The following TSHZ3 variants were observed in gnomAD, a reference collection of about 807,000 sequenced individuals.
The protein encoded by TSHZ3 is teashirt zinc finger homeobox 3.
Under a neutral mutation model 64.5 loss-of-function variants are expected in TSHZ3, and 10 were observed. That is an observed-to-expected ratio of 0.16 (90% CI 0.10 to 0.26). The LOEUF (loss-of-function observed/expected upper bound fraction) is 0.26, where lower values mean the gene tolerates loss of function less well. TSHZ3 is among the 10% of genes least tolerant of loss of function. The probability of loss-of-function intolerance (pLI) is 1.00; values close to 1 mark genes in which losing one functional copy is unlikely to be tolerated. For synonymous variants in TSHZ3, 608 were observed against 593.1 expected (o/e 1.03, Z -0.36); for missense variants, 1,242 against 1,421.7 (o/e 0.87, Z 2.03).
chr19:31,205,317 G>A (rs1450398857), intron 4 of TSHZ3, among the ~76,000 whole-genome samples: 2 of 152,050 alleles, frequency 1.3e-5, no homozygotes, highest in African/African-American at 4.8e-5. Context: ...AACATTTTAG[G>A]GACTCTCAGC....
In TSHZ3 at chr19:31,259,615, C is replaced by T. The variant is rs528865184; in HGVS notation, n.64-16740G>A. 2.0e-5 allele frequency among the ~76,000 whole-genome samples: 3 copies of T among 151,886 alleles called. No individual in the cohort carries two copies. In the South Asian group the frequency reaches 6.3e-4, roughly 32 times the overall value. ...CTATGGGGCTGGGAGCTCACCTGTC[C>T]CTGGGTATCTGAGCTCACTCAATTT... On this transcript the variant is annotated intron_variant and non_coding_transcript_variant, in intron 1 of 6. Transcript: ENST00000651361.
chr19:31,159,061 G>A (rs979052036), intron 5 of TSHZ3, among the ~76,000 whole-genome samples: 5 of 152,106 alleles, frequency 3.3e-5, no homozygotes, highest in Non-Finnish European at 5.9e-5. Flanking sequence ...GTGCAGTGGC[G>A]TGATCTCAGC....
At chr19:31,179,493 G>A (rs1974665652) in intron 5 of TSHZ3, among the ~76,000 whole-genome samples, 1 of 152,222 alleles carries the variant, frequency 6.6e-6, no homozygotes, top group Admixed American at 6.5e-5. Flanking sequence ...ACAGAGCAGG[G>A]TGGAGGAAGA....
chr19:31,263,589 G>A (rs1976011857), intron 1 of TSHZ3, among the ~76,000 whole-genome samples: 1 of 152,172 alleles, frequency 6.6e-6, no homozygotes, highest in African/African-American at 2.4e-5. Flanking sequence ...TTCCTGCATG[G>A]GGCCACTTCC....
At chr19:31,334,849 G>A (rs928967317) in intron 1 of TSHZ3, among the ~76,000 whole-genome samples, 3 of 152,072 alleles carry the variant, frequency 2.0e-5, no homozygotes, top group African/African-American at 4.8e-5. Flanking sequence ...ACCTGGGGAC[G>A]GAGATGCTGA....
chr19:31,179,806 A>C (rs1461712992), intron 5 of TSHZ3, among the ~76,000 whole-genome samples: 1 of 137,202 alleles, frequency 7.3e-6, no homozygotes, highest in Non-Finnish European at 1.5e-5. Context: ...GGTAACAATG[A>C]TGATGGTGGT....
At chr19:31,220,189 T>C (rs1410471311) in intron 4 of TSHZ3, among the ~76,000 whole-genome samples, 1 of 152,204 alleles carries the variant, frequency 6.6e-6, no homozygotes, top group South Asian at 2.1e-4. Context: ...GTTATTTTTG[T>C]CAAACTGATT....
chr19:31,284,139 C>T (rs1277388702), intron 1 of TSHZ3, among the ~76,000 whole-genome samples: 1 of 152,122 alleles, frequency 6.6e-6, no homozygotes, highest in African/African-American at 2.4e-5. Flanking sequence ...GGGAGGGAAC[C>T]TTACTTCCTT....
At chr19:31,272,869 G>C (rs865859868), downstream of TSHZ3, among the ~76,000 whole-genome samples, 12 of 152,278 alleles carry the variant, frequency 7.9e-5, no homozygotes, top group South Asian at 2.3e-3. Flanking sequence ...GCGCACCTGT[G>C]ATTAAAACCT....
At chr19:31,186,264 C>T (rs1047423513) in intron 5 of TSHZ3, among the ~76,000 whole-genome samples, 12 of 152,060 alleles carry the variant, frequency 7.9e-5, no homozygotes, top group African/African-American at 2.7e-4. Flanking sequence ...TGGCTATGTC[C>T]CCACCCGAAT....
chr19:31,252,507 G>A (rs1975856046), intron 1 of TSHZ3, among the ~76,000 whole-genome samples: 1 of 152,160 alleles, frequency 6.6e-6, no homozygotes, highest in Non-Finnish European at 1.5e-5. Context: ...TCAAGCATGG[G>A]ACCAGGTGGG....
intron 5 of TSHZ3, among the ~76,000 whole-genome samples, chr19:31,200,967 C>T (rs966120818): frequency 6.6e-6 from 1 of 151,482 alleles, no homozygotes; most frequent in Non-Finnish European, 1.5e-5. Flanking sequence ...TTAAACTGTA[C>T]TTTAAAGCAA....
At chr19:31,327,142 T>C (rs1239003922) in intron 1 of TSHZ3, among the ~76,000 whole-genome samples, 1 of 151,724 alleles carries the variant, frequency 6.6e-6, no homozygotes, top group African/African-American at 2.4e-5. Flanking sequence ...AACATGATCA[T>C]GAGAACAGTA....
intron 1 of TSHZ3, among the ~76,000 whole-genome samples, chr19:31,269,815 G>A (rs758230145): frequency 2.6e-5 from 4 of 152,202 alleles, no homozygotes; most frequent in Non-Finnish European, 5.9e-5. Context: ...AAGCAGGATG[G>A]CCTCCCCCGC....
At chr19:31,158,945 C>T (rs1026952462) in intron 5 of TSHZ3, among the ~76,000 whole-genome samples, 21 of 152,186 alleles carry the variant, frequency 1.4e-4, no homozygotes, top group African/African-American at 5.1e-4. Context: ...TGACACTTCA[C>T]TCCTTCTCCC....
intron 6 of TSHZ3, among the ~76,000 whole-genome samples, chr19:31,153,094 C>T (rs1163317927): frequency 2.0e-5 from 3 of 152,150 alleles, no homozygotes; most frequent in Non-Finnish European, 4.4e-5. Context: ...TTTCATGGAT[C>T]AGGAACTCTG....
At chr19:31,198,456 G>T (rs180962921) in intron 5 of TSHZ3, among the ~76,000 whole-genome samples, 1 of 152,036 alleles carries the variant, frequency 6.6e-6, no homozygotes, top group East Asian at 1.9e-4. Context: ...ACAAGAAAAG[G>T]AAATAAAATA....
At chr19:31,256,249 C>T (rs1041873113) in intron 1 of TSHZ3, among the ~76,000 whole-genome samples, 1 of 152,108 alleles carries the variant, frequency 6.6e-6, no homozygotes, top group African/African-American at 2.4e-5. Context: ...GGTGGCCTTG[C>T]TTTTAGTCTT....
At chr19:31,321,954 A>G (rs1916784873) in intron 1 of TSHZ3, among the ~76,000 whole-genome samples, 1 of 151,884 alleles carries the variant, frequency 6.6e-6, no homozygotes, top group African/African-American at 2.4e-5. Context: ...TACATTAGGT[A>G]TTGCTCCTAA....
Sources: gnomAD v4.1 joint callset for allele counts (sites outside exome capture counted in the v4.1 genomes callset) on GRCh38, gnomAD v4.1.1 for gene constraint, MANE v1.5 for transcripts, NCBI Gene and HGNC (gene_info 2026-07-23, HGNC 2026-07-21) for gene names.